The following CADM1 variants were observed in gnomAD, a reference collection of about 807,000 sequenced individuals.
CADM1 encodes TSLC-1.
A neutral mutation model predicts 53.1 loss-of-function variants in CADM1; 15 were observed. The observed-to-expected ratio is 0.28, with a 90% CI of 0.19 to 0.44. The LOEUF (loss-of-function observed/expected upper bound fraction) is 0.44, where lower values mean the gene tolerates loss of function less well. Among genes scored for constraint, CADM1 ranks in the 20% least tolerant of loss-of-function variants. The pLI is 1.00. For synonymous variants in CADM1, 281 were observed against 243.0 expected, an observed-to-expected ratio of 1.16 and a Z score of -1.45; for missense variants, 434 against 611.3, an observed-to-expected ratio of 0.71 and a Z score of 3.06.
At chr11:115,349,066 C>A (rs1466659837) in intron 1 of CADM1, among the ~76,000 whole-genome samples, 1 of 152,152 alleles carries the variant, frequency 6.6e-6, no homozygotes, top group Non-Finnish European at 1.5e-5. Context: ...CTCTGTCTTC[C>A]ACTTATCTTC....
intron 7 of CADM1, among the ~76,000 whole-genome samples, chr11:115,210,151 C>A (rs1565299700): frequency 6.6e-6 from 1 of 152,146 alleles, no homozygotes; most frequent in Non-Finnish European, 1.5e-5. Flanking sequence ...ATCAATACAA[C>A]CCAGCAGGAA....
chr11:115,364,512 T>C (rs1946108265), intron 1 of CADM1, among the ~76,000 whole-genome samples: 1 of 151,926 alleles, frequency 6.6e-6, no homozygotes, highest in Admixed American at 6.6e-5. Context: ...TTAAAAAGTC[T>C]TCATGCATTT....
At chr11:115,374,117 G>C (rs1045663075) in intron 1 of CADM1, among the ~76,000 whole-genome samples, 1 of 152,096 alleles carries the variant, frequency 6.6e-6, no homozygotes, top group African/African-American at 2.4e-5. Context: ...AGGAGAAATA[G>C]CTGATTCCAG....
At chr11:115,308,215 C>CAT (rs1944439582) in intron 1 of CADM1, among the ~76,000 whole-genome samples, 1 of 43,720 alleles carries the variant, frequency 2.3e-5, no homozygotes, top group African/African-American at 1.3e-4. Flanking sequence ...TATATATACA[C>CAT]ACCTATGAGA....
At chr11:115,311,582 T>C (rs909406289) in intron 1 of CADM1, among the ~76,000 whole-genome samples, 1 of 152,042 alleles carries the variant, frequency 6.6e-6, no homozygotes, top group Non-Finnish European at 1.5e-5. Context: ...ACCCACGCAG[T>C]TCAAACACAT....
intron 1 of CADM1, among the ~76,000 whole-genome samples, chr11:115,400,661 G>GTGTATATATATATATA (rs1295332849): frequency 2.1e-5 from 1 of 46,560 alleles, no homozygotes; most frequent in African/African-American, 7.3e-5. Flanking sequence ...GTGTGTGTGT[G>GTGTATATATATATATA]TATATATATA....
At chr11:115,262,038 C>G (rs1671428850) in intron 1 of CADM1, among the ~76,000 whole-genome samples, 1 of 152,046 alleles carries the variant, frequency 6.6e-6, no homozygotes, top group Non-Finnish European at 1.5e-5. Context: ...CTCGGCCTCC[C>G]AAAGTGCTGG....
chr11:115,248,185 T>C (rs1322238734), intron 1 of CADM1, among the ~76,000 whole-genome samples: 1 of 152,212 alleles, frequency 6.6e-6, no homozygotes, highest in Non-Finnish European at 1.5e-5. Flanking sequence ...CAACTTCTAT[T>C]TACATACAGG....
rs117219543 is a variant in CADM1 at position 115,177,066 on chromosome 11, G to A, written c.1298-474C>T. ...GCTCATTTATTTGAACCACCGTCCC[G>A]TGTCTATATGAATCATTGTTGCCTA... On this transcript the variant is annotated intron_variant, in intron 11 of 11. Coordinates refer to ENST00000331581, the MANE Select transcript of CADM1 (RefSeq NM_001301043.2). Among the ~76,000 whole-genome samples the A allele has an allele frequency of 1.5e-4, 23 of 152,290 alleles. No individual in the cohort carries two copies. In the East Asian group the frequency reaches 3.5e-3, roughly 23 times the overall value.
At chr11:115,347,548 C>A (rs1398368360) in intron 1 of CADM1, among the ~76,000 whole-genome samples, 1 of 151,974 alleles carries the variant, frequency 6.6e-6, no homozygotes, top group Admixed American at 6.6e-5. Context: ...TAAACTTTAC[C>A]TCTGGGTCTT....
chr11:115,214,620 G>C lies in CADM1; in HGVS notation c.982C>G (p.Leu328Val). 6.2e-7 allele frequency: 1 copy of C among 1,613,838 alleles called. No individual in the cohort carries two copies. ...TCTTCTCACGTACCGTATACATACA[G>C]CATATAATCCGAGTGAGCTTTCCCC... ...IVGKAHSDYM[L>V]YVYDPPTTIP... is the part of the protein sequence containing the mutation. Residue 328 changes from leucine (L) to valine (V), a missense_variant, in exon 7 of 12, where the codon CTG becomes GTG. Physicochemically the swap from Leu to Val is conservative, Grantham distance 32. Around this residue, in one of 4 missense-constraint regions of CADM1, gnomAD observed 311 missense variants for 435.1 expected, o/e 0.71. Transcript: ENST00000331581.
intron 1 of CADM1, chr11:115,340,214 A>G (rs1254924455): frequency 6.6e-6 from 1 of 152,160 alleles, no homozygotes; most frequent in Non-Finnish European, 1.5e-5. Context: ...TCATATCTGT[A>G]CATACCCAAA....
chr11:115,212,534 T>C (rs964587649), intron 7 of CADM1, among the ~76,000 whole-genome samples: 9 of 152,202 alleles, frequency 5.9e-5, no homozygotes, highest in African/African-American at 1.9e-4. Context: ...TGTATGTAGC[T>C]GTGTCTGCCT....
intron 1 of CADM1, among the ~76,000 whole-genome samples, chr11:115,413,271 A>G (rs534002637): frequency 6.6e-6 from 1 of 152,336 alleles, no homozygotes. Context: ...CCTTCAACAA[A>G]TATTTCTGAG....
At chr11:115,332,038 G>GA (rs996248617) in intron 1 of CADM1, among the ~76,000 whole-genome samples, 9 of 152,064 alleles carry the variant, frequency 5.9e-5, no homozygotes, top group Admixed American at 4.6e-4. Flanking sequence ...AACAGTCGGG[G>GA]AAAAAAACAG....
chr11:115,393,938 G>A (rs1246131565), intron 1 of CADM1, among the ~76,000 whole-genome samples: 1 of 151,544 alleles, frequency 6.6e-6, no homozygotes, highest in African/African-American at 2.4e-5. Context: ...TGAATTTATT[G>A]AAGAAAAAAA....
At chr11:115,399,399 A>C (rs954913501) in intron 1 of CADM1, 1 of 152,310 alleles carries the variant, frequency 6.6e-6, no homozygotes, top group East Asian at 1.9e-4. Flanking sequence ...CCAGACCAGA[A>C]CAGAGCACAC....
chr11:115,463,031 C>G (rs1395909756), intron 1 of CADM1, among the ~76,000 whole-genome samples: 1 of 152,180 alleles, frequency 6.6e-6, no homozygotes, highest in Non-Finnish European at 1.5e-5. Flanking sequence ...AAAATAGGCA[C>G]TTGGAGATAG....
chr11:115,231,676 C>T (rs1328206426), intron 3 of CADM1, among the ~76,000 whole-genome samples, 186 bp from the exon 4 acceptor site: 2 of 152,122 alleles, frequency 1.3e-5, no homozygotes, highest in East Asian at 3.8e-4. Flanking sequence ...AATTTCTATC[C>T]TAAATTTATG....
Sources: allele counts gnomAD v4.1 joint callset (sites outside exome capture counted in the v4.1 genomes callset), GRCh38; gene constraint gnomAD v4.1.1; regional missense constraint gnomAD v4.1.1; transcripts MANE v1.5; gene names NCBI Gene and HGNC (gene_info 2026-07-23, HGNC 2026-07-21).